Variants in MAP4K3 observed in about 807,000 individuals in gnomAD.
The protein encoded by MAP4K3 is mitogen-activated protein kinase kinase kinase kinase 3, also known as MAPK/ERK kinase kinase kinase 3.
In MAP4K3, 94 loss-of-function variants were observed where a neutral mutation model predicts 143.5. That is an observed-to-expected ratio of 0.65 (90% CI 0.55 to 0.78). The LOEUF (loss-of-function observed/expected upper bound fraction) is 0.78, where lower values mean the gene tolerates loss of function less well. Among genes scored for constraint, MAP4K3 ranks in the 30% least tolerant of loss-of-function variants. The probability of loss-of-function intolerance (pLI) is 0.00; values close to 1 mark genes in which losing one functional copy is unlikely to be tolerated. For synonymous variants in MAP4K3, 416 were observed against 347.2 expected, an observed-to-expected ratio of 1.20 and a Z score of -2.20; for missense variants, 1,077 against 1,068.1, an observed-to-expected ratio of 1.01 and a Z score of -0.12.
rs183231009 is a variant in MAP4K3, at chr2:39,333,739, T to C, written c.415-165A>G. ...TCATTAGAGTCATAGGTAAATCTACTGTCCACTTTTTAGGCAACTTGACTA... is the reference window on the plus strand; with the variant it reads ...TCATTAGAGTCATAGGTAAATCTACCGTCCACTTTTTAGGCAACTTGACTA... On this transcript the variant is annotated intron_variant, in intron 6 of 33. Transcript: ENST00000263881. 3.0e-4 allele frequency among the ~76,000 whole-genome samples: 45 copies of C among 152,310 alleles called. No individual in the cohort carries two copies. In the East Asian group the frequency reaches 8.1e-3, roughly 27 times the overall value.
At chr2:39,333,957 A>ATT (rs941849224) in intron 6 of MAP4K3, among the ~76,000 whole-genome samples, 3 of 91,580 alleles carry the variant, frequency 3.3e-5, no homozygotes, top group South Asian at 4.4e-4. Context: ...ATTGTTTCCC[A>ATT]TTTTTGTGTG....
intron 12 of MAP4K3, 110 bp from the exon 13 acceptor site, chr2:39,315,498 G>T: frequency 1.4e-6 from 1 of 710,114 alleles, no homozygotes; most frequent in Non-Finnish European, 2.2e-6. Context: ...AAAAATGAAA[G>T]CAAAACAGCA....
intron 1 of MAP4K3, among the ~76,000 whole-genome samples, chr2:39,405,416 T>A (rs371222502): frequency 1.3e-5 from 2 of 152,188 alleles, no homozygotes; most frequent in African/African-American, 2.4e-5. Flanking sequence ...ATCCAAGTCC[T>A]TTTGAATATC....
chr2:39,331,398 G>A (rs1358809411), intron 8 of MAP4K3, among the ~76,000 whole-genome samples: 3 of 152,184 alleles, frequency 2.0e-5, no homozygotes, highest in African/African-American at 7.2e-5. Flanking sequence ...TAGAAAGGAA[G>A]GTCCATGGAG....
chr2:39,385,037 A>G (rs1666458388), intron 1 of MAP4K3, among the ~76,000 whole-genome samples: 1 of 152,228 alleles, frequency 6.6e-6, no homozygotes, highest in Admixed American at 6.5e-5. Context: ...GTTGTTGCAT[A>G]TATCATTAGT....
At chr2:39,320,287 C>G (rs1460299388) in intron 12 of MAP4K3, among the ~76,000 whole-genome samples, 2 of 152,200 alleles carry the variant, frequency 1.3e-5, no homozygotes, top group Non-Finnish European at 2.9e-5. Context: ...TCTGCGTCAA[C>G]TCCTTATATC....
intron 5 of MAP4K3, 81 bp from the exon 6 acceptor site, chr2:39,337,048 T>C: frequency 1.5e-6 from 1 of 652,396 alleles, no homozygotes. Flanking sequence ...AAATGGGTAG[T>C]ATTCTGTGTA....
intron 20 of MAP4K3, 131 bp downstream of exon 20, chr2:39,287,990 C>T: frequency 9.3e-7 from 1 of 1,079,062 alleles, no homozygotes; most frequent in Non-Finnish European, 1.4e-6. Flanking sequence ...AAGCAGAAAA[C>T]ATCTCCATAG....
Position 39,280,274 on chromosome 2 carries a change from C to A in MAP4K3, c.1712G>T (p.Arg571Ile), listed in dbSNP as rs760863387. The A allele has an allele frequency of 6.4e-7, 1 of 1,557,326 alleles. No homozygotes were observed. Among genetic ancestry groups the A allele is most frequent in the East Asian group, 2.3e-5 (1 of 43,860 alleles). ...CASSWINPDT[R>I]DQYLIFGAEE... ...CAGATAAAAACACACAATACTACCT[C>A]TTGTATCTGGGTTTATCCATGATGA... Residue 571 changes from arginine to isoleucine, a missense_variant and splice_region_variant, in exon 23 of 34, where the codon AGA (arginine) becomes ATA (isoleucine). Arg to Ile is a moderately conservative substitution (Grantham distance 97, BLOSUM62 -3). Around this residue, in one of 2 missense-constraint regions of MAP4K3, gnomAD observed 864 missense variants for 801.2 expected, o/e 1.08. Transcript: ENST00000263881.
chr2:39,385,310 G>T (rs572055364), intron 1 of MAP4K3, among the ~76,000 whole-genome samples: 12 of 152,110 alleles, frequency 7.9e-5, no homozygotes, highest in African/African-American at 2.9e-4. Flanking sequence ...GCAACGCATG[G>T]TGGGGTTCCA....
At chr2:39,263,220 T>G (rs1680634003) in intron 28 of MAP4K3, among the ~76,000 whole-genome samples, 1 of 151,658 alleles carries the variant, frequency 6.6e-6, no homozygotes, top group Non-Finnish European at 1.5e-5. Context: ...AGAAACATCA[T>G]AAATACTGAT....
intron 1 of MAP4K3, among the ~76,000 whole-genome samples, chr2:39,384,265 G>C (rs2148587745): frequency 6.6e-6 from 1 of 152,294 alleles, no homozygotes; most frequent in Non-Finnish European, 1.5e-5. Context: ...GGTGGCTCAA[G>C]CCGGGCGTCG....
chr2:39,422,236 A>C (rs1667568219), intron 1 of MAP4K3, among the ~76,000 whole-genome samples: 1 of 152,084 alleles, frequency 6.6e-6, no homozygotes, highest in Non-Finnish European at 1.5e-5. Flanking sequence ...CTGCCTTCTC[A>C]ATCATTTCTA....
At chr2:39,384,898 C>T (rs566515642) in intron 1 of MAP4K3, among the ~76,000 whole-genome samples, 3 of 152,290 alleles carry the variant, frequency 2.0e-5, no homozygotes, top group African/African-American at 7.2e-5. Flanking sequence ...GCAAAAACTC[C>T]AATGGAAGTC....
chr2:39,400,229 G>A (rs1030835196), intron 1 of MAP4K3, among the ~76,000 whole-genome samples: 1 of 152,114 alleles, frequency 6.6e-6, no homozygotes, highest in African/African-American at 2.4e-5. Flanking sequence ...TAACTTCTCT[G>A]TTTCTATTAC....
chr2:39,289,320 A>G (rs1322939919), intron 19 of MAP4K3, among the ~76,000 whole-genome samples: 1 of 152,232 alleles, frequency 6.6e-6, no homozygotes, highest in Non-Finnish European at 1.5e-5. Flanking sequence ...ATTGTATAAA[A>G]TGAAAATAAA....
intron 3 of MAP4K3, among the ~76,000 whole-genome samples, chr2:39,346,554 C>G (rs1178575891): frequency 1.3e-5 from 2 of 152,182 alleles, no homozygotes; most frequent in African/African-American, 4.8e-5. Context: ...TTAATCCACA[C>G]CCTTGGGGCA....
rs149147269 is a variant in MAP4K3, at chr2:39,332,491, A to G, written c.458-502T>C. ...ACTTAACAATACATTTAGTACCAGTATCAGTCACTATCAGGAAATTATTTT... is the reference window on the plus strand; with the variant it reads ...ACTTAACAATACATTTAGTACCAGTGTCAGTCACTATCAGGAAATTATTTT... On this transcript the variant is annotated intron_variant, in intron 7 of 33. Transcript: ENST00000263881. 3.6e-3 allele frequency among the ~76,000 whole-genome samples: 554 copies of G among 152,168 alleles called. 1 individual carries two copies. Among genetic ancestry groups the G allele is most frequent in the Non-Finnish European group, 6.4e-3 (434 of 67,894 alleles).
chr2:39,253,925 G>T (rs971504241), intron 32 of MAP4K3, among the ~76,000 whole-genome samples: 2 of 152,206 alleles, frequency 1.3e-5, no homozygotes, highest in African/African-American at 4.8e-5. Context: ...AAGGATTCAT[G>T]AGATGCATAG....
Sources: allele counts gnomAD v4.1 joint callset (sites outside exome capture counted in the v4.1 genomes callset), GRCh38; gene constraint gnomAD v4.1.1; regional missense constraint gnomAD v4.1.1; transcripts MANE v1.5; gene names NCBI Gene and HGNC (gene_info 2026-07-23, HGNC 2026-07-21).